RBFOX1: variants seen among roughly 807,000 people sequenced by gnomAD.
RBFOX1 encodes the protein RNA binding protein fox-1 homolog 1.
A neutral mutation model predicts 57.7 loss-of-function variants in RBFOX1; 8 were observed. That is an observed-to-expected ratio of 0.14 (90% CI 0.08 to 0.25). The LOEUF is 0.25. Among genes scored for constraint, RBFOX1 ranks in the 10% least tolerant of loss-of-function variants. The pLI, the probability that RBFOX1 is intolerant of heterozygous loss-of-function variation, is 1.00. For missense variants in RBFOX1, 611 were observed against 548.5 expected (o/e 1.11, Z -1.14); for synonymous variants, 326 against 222.4 (o/e 1.47, Z -4.15).
chr16:7,550,046 C>G (rs544683067), intron 5 of RBFOX1, among the ~76,000 whole-genome samples: 1 of 152,266 alleles, frequency 6.6e-6, no homozygotes, highest in Non-Finnish European at 1.5e-5. Context: ...TGTCCCACCT[C>G]AGCCTCCCTA....
In RBFOX1 at chr16:5,850,520, T is replaced by C. The variant is rs2056868875; in HGVS notation, c.319-16783T>C. 1.3e-5 allele frequency among the ~76,000 whole-genome samples: 2 copies of C among 152,330 alleles called. 1 individual carries two copies. Among genetic ancestry groups the C allele is most frequent in the East Asian group, 3.9e-4 (2 of 5,192 alleles). ...GTAGTCACCATCATTGCAGTAGTAG[T>C]GGCAGTAACAGCAGCAGAATTAATG... On this transcript the variant is annotated intron_variant, in intron 3 of 19. Coordinates refer to the RBFOX1 transcript ENST00000641259.
At chr16:6,957,193 G>A (rs1398535450) in intron 3 of RBFOX1, among the ~76,000 whole-genome samples, 1 of 150,690 alleles carries the variant, frequency 6.6e-6, no homozygotes, top group Non-Finnish European at 1.5e-5. Flanking sequence ...GTGCAGTGGT[G>A]TGATCTCGGC....
rs542344326 is a variant in RBFOX1 at position 5,871,737 on chromosome 16, A to C, written c.351+4402A>C. Among the ~76,000 whole-genome samples the C allele has an allele frequency of 5.3e-5, 8 of 152,272 alleles. No individual in the cohort carries two copies. The South Asian group carries it at 1.4e-3, about 28-fold the overall frequency. ...GAAGAGGATGTTTGAGGAAAAAAAA[A>C]ATTCATTTCATTTCACTTACCAGTT... On this transcript the variant is annotated intron_variant, in intron 4 of 19. Transcript: ENST00000641259.
At chr16:6,610,335 T>C (rs929308463) in intron 2 of RBFOX1, among the ~76,000 whole-genome samples, 1 of 152,142 alleles carries the variant, frequency 6.6e-6, no homozygotes, top group African/African-American at 2.4e-5. Flanking sequence ...ACATTCTTAT[T>C]TTTTTAGAGG....
At chr16:6,562,394 C>T (rs1019629669) in intron 2 of RBFOX1, among the ~76,000 whole-genome samples, 2 of 152,192 alleles carry the variant, frequency 1.3e-5, no homozygotes, top group East Asian at 1.9e-4. Context: ...TATCACTCTT[C>T]AGAGCACATA....
At chr16:7,564,137 G>A (rs575751051) in intron 5 of RBFOX1, among the ~76,000 whole-genome samples, 2 of 152,226 alleles carry the variant, frequency 1.3e-5, no homozygotes, top group South Asian at 2.1e-4. Flanking sequence ...GACTTTGGAA[G>A]GTAATTAGGT....
At chr16:6,406,577 CAT>C (rs1491474230) in intron 2 of RBFOX1, among the ~76,000 whole-genome samples, 2 of 144,086 alleles carry the variant, frequency 1.4e-5, no homozygotes, top group African/African-American at 5.6e-5. Flanking sequence ...GGAAGTCGAA[CAT>C]TTTTTTTTTT....
intron 3 of RBFOX1, among the ~76,000 whole-genome samples, chr16:5,732,942 G>A (rs899079904): frequency 6.6e-6 from 1 of 152,130 alleles, no homozygotes; most frequent in African/African-American, 2.4e-5. Context: ...GAGTCAACTT[G>A]GTGGGTTGAG....
At chr16:7,704,757 T>A (rs893393171) in intron 14 of RBFOX1, among the ~76,000 whole-genome samples, 4 of 152,076 alleles carry the variant, frequency 2.6e-5, no homozygotes, top group African/African-American at 9.7e-5. Context: ...CCCTTAAAAA[T>A]AAGAGCAGTC....
At chr16:5,789,443 G>C (rs1190149120) in intron 3 of RBFOX1, among the ~76,000 whole-genome samples, 1 of 152,080 alleles carries the variant, frequency 6.6e-6, no homozygotes, top group Non-Finnish European at 1.5e-5. Context: ...GAGTGTGTGT[G>C]TATGAGAGTG....
chr16:7,469,475 T>C (rs1364689236), intron 4 of RBFOX1, among the ~76,000 whole-genome samples: 1 of 152,198 alleles, frequency 6.6e-6, no homozygotes, highest in Non-Finnish European at 1.5e-5. Flanking sequence ...CACGCTTTTC[T>C]TGGGCCACCT....
At chr16:6,608,843 G>A (rs921230340) in intron 2 of RBFOX1, among the ~76,000 whole-genome samples, 2 of 152,216 alleles carry the variant, frequency 1.3e-5, no homozygotes, top group South Asian at 2.1e-4. Context: ...TGTCTCACTG[G>A]ACTAAAATCA....
chr16:5,907,550 G>A lies in RBFOX1; in HGVS notation c.351+40215G>A, dbSNP rs17138846. Among the ~76,000 whole-genome samples the A allele has an allele frequency of 5.2e-3, 785 of 152,084 alleles. 8 individuals carry two copies. The highest frequency in any genetic ancestry group is 0.017 in the African/African-American group (709 of 41,456). ...TCTTGCTTATGCTGTGTGATTTTAC[G>A]TGCTTATATTTACTGAGTACCACAC... On this transcript the variant is annotated intron_variant, in intron 4 of 19. Transcript: ENST00000641259.
chr16:5,812,239 G>A (rs1227824384), intron 3 of RBFOX1, among the ~76,000 whole-genome samples: 1 of 152,162 alleles, frequency 6.6e-6, no homozygotes, highest in Non-Finnish European at 1.5e-5. Context: ...TACAAATAAT[G>A]CGGATATGAA....
chr16:5,960,191 ACT>A (rs1032724540), intron 4 of RBFOX1, among the ~76,000 whole-genome samples: 1 of 152,122 alleles, frequency 6.6e-6, no homozygotes, highest in African/African-American at 2.4e-5. Context: ...ACAGAGTGAG[ACT>A]CTGTCTCAAG....
At chr16:6,814,498 G>T (rs2089594398) in intron 3 of RBFOX1, among the ~76,000 whole-genome samples, 1 of 152,134 alleles carries the variant, frequency 6.6e-6, no homozygotes, top group South Asian at 2.1e-4. Flanking sequence ...AGAGTCTAGT[G>T]GGAGACAGGC....
rs150258908 is a variant in RBFOX1 at position 6,488,087 on chromosome 16, A to G, written c.-63-166516A>G. On this transcript the variant is annotated intron_variant, in intron 2 of 15. Coordinates refer to ENST00000550418, the MANE Select transcript of RBFOX1 (RefSeq NM_018723.4). ...ACAGAAAGCAACAACCAAACAAATC[A>G]AGGTGCACTATTTGCCCAATGTTTG... 3.1e-3 allele frequency among the ~76,000 whole-genome samples: 479 copies of G among 152,252 alleles called. 5 individuals carry two copies. Among genetic ancestry groups the G allele is most frequent in the African/African-American group, 0.011 (445 of 41,558 alleles).
At chr16:6,530,764 C>T (rs1230312334) in intron 2 of RBFOX1, among the ~76,000 whole-genome samples, 1 of 150,010 alleles carries the variant, frequency 6.7e-6, no homozygotes, top group African/African-American at 2.4e-5. Flanking sequence ...TCCCCACCCC[C>T]ATCTCATGAG....
At chr16:7,446,251 G>A (rs76148001) in intron 4 of RBFOX1, among the ~76,000 whole-genome samples, 2,081 of 152,298 alleles carry the variant, frequency 0.014, 21 homozygotes, top group Non-Finnish European at 0.021. Context: ...GAATTGACAG[G>A]AAGGAGGATA....
Sources: allele counts gnomAD v4.1 joint callset (sites outside exome capture counted in the v4.1 genomes callset), GRCh38; gene constraint gnomAD v4.1.1; transcripts MANE v1.5; gene names NCBI Gene and HGNC (gene_info 2026-07-23, HGNC 2026-07-21).